The following RGS6 variants were observed in gnomAD, a reference collection of about 807,000 sequenced individuals.
RGS6 encodes the protein regulator of G-protein signaling 6.
Under a neutral mutation model 78.5 loss-of-function variants are expected in RGS6, and 30 were observed. That is an observed-to-expected ratio of 0.38 (90% CI 0.29 to 0.52). The LOEUF (loss-of-function observed/expected upper bound fraction) is 0.52, where lower values mean the gene tolerates loss of function less well. Among genes scored for constraint, RGS6 ranks in the 20% least tolerant of loss-of-function variants. The pLI is 0.85. For missense variants in RGS6, 495 were observed against 609.7 expected, an observed-to-expected ratio of 0.81 and a Z score of 1.98; for synonymous variants, 206 against 206.0, an observed-to-expected ratio of 1.00 and a Z score of 0.00.
chr14:72,405,492 A>G (rs1478954436), intron 3 of RGS6, among the ~76,000 whole-genome samples: 2 of 152,368 alleles, frequency 1.3e-5, no homozygotes, highest in East Asian at 3.9e-4. Flanking sequence ...AGCTCCACCC[A>G]TAACAGTGTC....
intron 2 of RGS6, among the ~76,000 whole-genome samples, chr14:72,023,745 A>G (rs2153276510): frequency 6.6e-6 from 1 of 152,318 alleles, no homozygotes; most frequent in East Asian, 1.9e-4. Context: ...TGAACAGAAC[A>G]TTTCACTTGA....
chr14:72,196,195 A>C (rs933931243), intron 2 of RGS6, among the ~76,000 whole-genome samples: 1 of 152,168 alleles, frequency 6.6e-6, no homozygotes, highest in Non-Finnish European at 1.5e-5. Flanking sequence ...GGAGGGTACA[A>C]TGAGAGGAAC....
At chr14:72,090,470 T>C (rs1473447495) in intron 2 of RGS6, among the ~76,000 whole-genome samples, 1 of 152,198 alleles carries the variant, frequency 6.6e-6, no homozygotes, top group African/African-American at 2.4e-5. Context: ...TACCTGCTCC[T>C]TATGAGAATC....
At chr14:72,253,550 C>G (rs1244731691) in intron 2 of RGS6, among the ~76,000 whole-genome samples, 4 of 152,190 alleles carry the variant, frequency 2.6e-5, no homozygotes, top group Non-Finnish European at 4.4e-5. Context: ...TGGCTATGTG[C>G]CAATAAAACT....
intron 2 of RGS6, among the ~76,000 whole-genome samples, chr14:72,096,840 G>C (rs573688163): frequency 1.1e-4 from 16 of 152,330 alleles, no homozygotes; most frequent in African/African-American, 3.6e-4. Context: ...TCCCAAGGAC[G>C]TGGATACCTA....
chr14:72,469,506 C>T (rs2096017084), intron 7 of RGS6: 1 of 153,080 alleles, frequency 6.5e-6, no homozygotes, highest in Non-Finnish European at 1.5e-5. Context: ...CACACTCAGC[C>T]TCGGCCACTT....
intron 2 of RGS6, among the ~76,000 whole-genome samples, chr14:72,342,869 T>TGTCGTCATCCCTGACATCTTCCCC (rs1169636306): frequency 3.2e-4 from 49 of 152,246 alleles, no homozygotes; most frequent in Non-Finnish European, 4.1e-4. Context: ...GCATCTTCCC[T>TGTCGTCATCCCTGACATCTTCCCC]GTCGTCATCC....
chr14:71,976,412 T>G (rs560164509), intron 2 of RGS6, among the ~76,000 whole-genome samples: 101 of 97,640 alleles, frequency 1.0e-3, no homozygotes, highest in Non-Finnish European at 1.7e-3. Context: ...CCCTCCCCCC[T>G]CCCCCCACCC....
intron 3 of RGS6, among the ~76,000 whole-genome samples, chr14:72,426,241 C>T (rs1349060066): frequency 6.6e-6 from 1 of 152,036 alleles, no homozygotes; most frequent in Admixed American, 6.5e-5. Flanking sequence ...GAGCAGGTGG[C>T]GTTATTCTTC....
At chr14:71,918,234 A>C in the RGS6 span, among the ~76,000 whole-genome samples, 1 of 145,278 alleles carries the variant, frequency 6.9e-6, no homozygotes. Context: ...CTTCTCAAGT[A>C]TAAGGCCAAC....
intron 2 of RGS6, among the ~76,000 whole-genome samples, chr14:72,036,615 C>T (rs746939472): frequency 1.9e-4 from 29 of 152,124 alleles, no homozygotes; most frequent in Admixed American, 4.6e-4. Flanking sequence ...GCCGACCCTA[C>T]GTCCCCTTTG....
intron 3 of RGS6, among the ~76,000 whole-genome samples, chr14:72,368,015 G>A (rs2082754756): frequency 6.6e-6 from 1 of 151,980 alleles, no homozygotes; most frequent in Non-Finnish European, 1.5e-5. Flanking sequence ...GTTAATTTAG[G>A]CCACCAGTTT....
chr14:72,148,360 T>G (rs1474110982), intron 2 of RGS6, among the ~76,000 whole-genome samples: 1 of 152,158 alleles, frequency 6.6e-6, no homozygotes, highest in Non-Finnish European at 1.5e-5. Context: ...ATTGTGCCAC[T>G]GCACTCCAGC....
chr14:72,552,495 G>C (rs901142066), intron 17 of RGS6: 1 of 152,228 alleles, frequency 6.6e-6, no homozygotes, highest in African/African-American at 2.4e-5. Context: ...TGCTACCAGA[G>C]ACAGATAAGG....
At chr14:72,331,325 G>T (rs577358006) in intron 2 of RGS6, among the ~76,000 whole-genome samples, 1 of 152,110 alleles carries the variant, frequency 6.6e-6, no homozygotes, top group South Asian at 2.1e-4. Flanking sequence ...TTAGAGAGGT[G>T]GGCAGGCATT....
intron 2 of RGS6, among the ~76,000 whole-genome samples, chr14:72,197,976 T>C (rs1279687475): frequency 1.3e-5 from 2 of 152,122 alleles, no homozygotes; most frequent in Non-Finnish European, 2.9e-5. Context: ...ATTTTTGTTA[T>C]TATATTTTAA....
At chr14:72,495,367 A>G in intron 13 of RGS6, 105 bp downstream of exon 13, 1 of 797,944 alleles carries the variant, frequency 1.3e-6, no homozygotes, top group South Asian at 1.4e-5. Flanking sequence ...TTTTATCGCT[A>G]GAACAGAAAC....
chr14:72,476,820 A>G lies in RGS6; in HGVS notation c.772A>G (p.Lys258Glu), dbSNP rs1403184943. 3 of 1,614,042 alleles carry G rather than the reference A, an allele frequency of 1.9e-6. No individual in the cohort carries two copies. In the African/African-American group the frequency reaches 4.0e-5, roughly 22 times the overall value. The change falls in exon 11 of 18, where the codon AAA becomes GAA. Residue 258 changes from lysine (K) to glutamate (E), a missense_variant. Lys to Glu is a moderately conservative substitution (Grantham distance 56). Coordinates refer to ENST00000553525, the MANE Select transcript of RGS6 (RefSeq NM_001204424.2). ...CAGCCAACCAATCAGGAAAACAACA[A>G]AAGAGGACATCCGGAAACAGGTGAA... ...VLSQPIRKTT[K>E]EDIRKQITFL... is the part of the protein sequence containing the mutation.
chr14:72,264,807 G>A (rs1337588452), intron 2 of RGS6, among the ~76,000 whole-genome samples: 3 of 152,202 alleles, frequency 2.0e-5, no homozygotes, highest in Admixed American at 2.0e-4. Context: ...TAATGCGCCT[G>A]CCAACTGGTG....
Sources: allele counts gnomAD v4.1 joint callset (sites outside exome capture counted in the v4.1 genomes callset), GRCh38; gene constraint gnomAD v4.1.1; transcripts MANE v1.5; gene names NCBI Gene and HGNC (gene_info 2026-07-23, HGNC 2026-07-21).